PSME4: variants seen among roughly 807,000 people sequenced by gnomAD.
PSME4 encodes the protein proteasome activator complex subunit 4.
Under a neutral mutation model 253.9 loss-of-function variants are expected in PSME4, and 89 were observed. The ratio of observed to expected loss-of-function variants is 0.35; its 90% CI spans 0.30 to 0.42. PSME4 has a LOEUF of 0.42. Among genes scored for constraint, PSME4 ranks in the 10% least tolerant of loss-of-function variants. The pLI, the probability that PSME4 is intolerant of heterozygous loss-of-function variation, is 1.00. For synonymous variants in PSME4, 851 were observed against 759.2 expected (o/e 1.12, Z -1.99); for missense variants, 2,014 against 2,195.2 (o/e 0.92, Z 1.65).
In PSME4 at chr2:53,906,787, G is replaced by C; in HGVS notation, c.2847+19C>G. On this transcript the variant is annotated intron_variant, in intron 25 of 46. Coordinates refer to ENST00000404125, the MANE Select transcript of PSME4 (RefSeq NM_014614.3). ...AATTGACATTTTAAAAAGTCACTATGACTGAAAAACATATTTACCTCATGC... is the reference window on the plus strand; with the variant it reads ...AATTGACATTTTAAAAAGTCACTATCACTGAAAAACATATTTACCTCATGC... The C allele has an allele frequency of 6.2e-7, 1 of 1,609,690 alleles. No homozygotes were observed. The highest frequency in any genetic ancestry group is 8.5e-7 in the Non-Finnish European group (1 of 1,178,520).
intron 36 of PSME4, among the ~76,000 whole-genome samples, chr2:53,892,578 A>T (rs968815604): frequency 2.0e-5 from 3 of 152,018 alleles, no homozygotes; most frequent in Non-Finnish European, 4.4e-5. Flanking sequence ...TTTTTTTTAA[A>T]TTTTTTCCCC....
intron 3 of PSME4, among the ~76,000 whole-genome samples, chr2:53,940,998 T>TGTATGTATATGA (rs566430792): frequency 1.2e-5 from 1 of 85,908 alleles, no homozygotes; most frequent in Non-Finnish European, 2.5e-5. Flanking sequence ...TATATATATA[T>TGTATGTATATGA]ATGAAAGGAG....
At chr2:53,900,266 A>C (rs762952208) in intron 28 of PSME4, among the ~76,000 whole-genome samples, 12 of 152,054 alleles carry the variant, frequency 7.9e-5, no homozygotes, top group Non-Finnish European at 1.8e-4. Flanking sequence ...GGGTGATGAA[A>C]ACATTGTGGA....
chr2:53,951,748 G>A (rs940336789), intron 1 of PSME4, among the ~76,000 whole-genome samples: 2 of 152,018 alleles, frequency 1.3e-5, no homozygotes, highest in Admixed American at 6.6e-5. Flanking sequence ...ATGCTCAATC[G>A]GTAAGAACAT....
chr2:53,926,929 C>T (rs940946651), intron 12 of PSME4, among the ~76,000 whole-genome samples: 1 of 150,754 alleles, frequency 6.6e-6, no homozygotes, highest in African/African-American at 2.4e-5. Context: ...GCCGATATCA[C>T]ATCACTGCAC....
rs1198603318 is a variant in PSME4 at position 53,875,888 on chromosome 2, T to C, written c.4816-133A>G. The C allele has an allele frequency of 9.2e-6, 7 of 758,708 alleles. No individual in the cohort carries two copies. The Admixed American group carries it at 1.3e-4, about 14-fold the overall frequency. The allele number at this position is 758,708 out of a possible 1,614,324, so 47.0% of individuals were successfully genotyped here. On this transcript the variant is annotated intron_variant, in intron 41 of 46. Transcript: ENST00000404125. ...AATTTCAAACACATAAACTAGAGAA[T>C]AGCATAATGAACCCCCATGAGCCAA...
At chr2:53,876,398 A>G (rs1679121417) in intron 41 of PSME4, among the ~76,000 whole-genome samples, 1 of 152,144 alleles carries the variant, frequency 6.6e-6, no homozygotes, top group South Asian at 2.1e-4. Context: ...GGCCCCAGTA[A>G]GTCTTATAAA....
chr2:53,886,781 T>G (rs1266572958), intron 40 of PSME4, among the ~76,000 whole-genome samples: 1 of 152,160 alleles, frequency 6.6e-6, no homozygotes, highest in African/African-American at 2.4e-5. Flanking sequence ...TTAGTCACAA[T>G]AGCCAAAGGT....
intron 10 of PSME4, among the ~76,000 whole-genome samples, chr2:53,929,910 C>T (rs1365350981): frequency 6.6e-6 from 1 of 151,780 alleles, no homozygotes; most frequent in Non-Finnish European, 1.5e-5. Flanking sequence ...CCCAGCTACT[C>T]GGAAGGCTGA....
chr2:53,932,251 T>G (rs1668867178), intron 9 of PSME4, 151 bp from the exon 10 acceptor site: 1 of 654,458 alleles, frequency 1.5e-6, no homozygotes, highest in Admixed American at 3.2e-5. Flanking sequence ...TAGATAGAAT[T>G]AAAAGTTACC....
intron 16 of PSME4, 26 bp downstream of exon 16, chr2:53,923,023 G>T (rs1404460461): frequency 1.4e-6 from 2 of 1,448,076 alleles, no homozygotes; most frequent in Non-Finnish European, 1.9e-6. Flanking sequence ...AAATTGTAAA[G>T]AGAGAATAAT....
At chr2:53,878,857 T>A (rs971354318) in intron 41 of PSME4, among the ~76,000 whole-genome samples, 1 of 152,232 alleles carries the variant, frequency 6.6e-6, no homozygotes. Context: ...TATGGTTCTG[T>A]GATCTCGCCC....
chr2:53,897,002 C>T (rs888911667), intron 31 of PSME4, 117 bp from the exon 32 acceptor site: 15 of 736,008 alleles, frequency 2.0e-5, no homozygotes, highest in East Asian at 1.3e-4. Flanking sequence ...CCTCGCCTAT[C>T]GACATCTGGC....
intron 41 of PSME4, among the ~76,000 whole-genome samples, chr2:53,880,743 A>G (rs1679344175): frequency 6.6e-6 from 1 of 152,248 alleles, no homozygotes; most frequent in South Asian, 2.1e-4. Flanking sequence ...AGTCAAAGGC[A>G]TAAAAGGACA....
chr2:53,866,660 G>T (rs1361835251), intron 45 of PSME4, 87 bp downstream of exon 45: 27 of 1,401,406 alleles, frequency 1.9e-5, no homozygotes, highest in Non-Finnish European at 2.3e-5. Context: ...AAAGCAGTTA[G>T]TTCAGAGTGT....
At chr2:53,878,617 C>T (rs1473375123) in intron 41 of PSME4, among the ~76,000 whole-genome samples, 1 of 152,194 alleles carries the variant, frequency 6.6e-6, no homozygotes, top group African/African-American at 2.4e-5. Context: ...TAAGGGGAGG[C>T]CTCTGAAATG....
chr2:53,885,565 A>T (rs760598726), intron 41 of PSME4, 125 bp downstream of exon 41: 3 of 620,928 alleles, frequency 4.8e-6, no homozygotes, highest in Non-Finnish European at 5.6e-6. Flanking sequence ...TCCTGTGACC[A>T]TTCTACTTTT....
chr2:53,963,968 G>A (rs778572426), intron 1 of PSME4, among the ~76,000 whole-genome samples: 1 of 152,004 alleles, frequency 6.6e-6, no homozygotes, highest in Admixed American at 6.6e-5. Context: ...AGTGAAGATA[G>A]GTGATGAGGT....
Position 53,932,767 on chromosome 2 carries a change from A to C in PSME4, c.958-7T>G. ...CTAGCTTACTTGGTCCACCCTGTCC[A>C]GATAAAAGAGTAAAAATGTCAGTAC... On this transcript the variant is annotated splice_polypyrimidine_tract_variant and splice_region_variant and intron_variant, in intron 8 of 46. Transcript: ENST00000404125. 6.2e-7 allele frequency: 1 copy of C among 1,606,498 alleles called. No homozygotes were observed. Among genetic ancestry groups the C allele is most frequent in the South Asian group, 1.1e-5 (1 of 90,900 alleles).
Sources: allele counts gnomAD v4.1 joint callset (sites outside exome capture counted in the v4.1 genomes callset), GRCh38; gene constraint gnomAD v4.1.1; transcripts MANE v1.5; gene names NCBI Gene and HGNC (gene_info 2026-07-23, HGNC 2026-07-21).